Variants in SEC63 observed in about 807,000 individuals in gnomAD.
SEC63 encodes the protein translocation protein SEC63 homolog.
SEC63 carries 56 observed loss-of-function variants against 116.2 expected under a neutral mutation model. The observed-to-expected ratio is 0.48, with a 90% confidence interval of 0.39 to 0.60. The LOEUF is 0.60. Among genes scored for constraint, SEC63 ranks in the 20% least tolerant of loss-of-function variants. SEC63 has a pLI of 0.00. For missense variants in SEC63, 668 were observed against 900.0 expected, an observed-to-expected ratio of 0.74 and a Z score of 3.30; for synonymous variants, 273 against 294.6, an observed-to-expected ratio of 0.93 and a Z score of 0.75.
Position 107,906,527 on chromosome 6 carries a change from G to A in SEC63, c.882C>T (p.Thr294=), listed in dbSNP as rs746631731. 4 of 1,613,338 alleles carry A rather than the reference G, an allele frequency of 2.5e-6. No individual in the cohort carries two copies. In the South Asian group the frequency reaches 3.3e-5, roughly 13 times the overall value. Residue 294 remains threonine (T), a synonymous_variant, in exon 10 of 21, where the codon ACC becomes ACT. Coordinates refer to ENST00000369002, the MANE Select transcript of SEC63 (RefSeq NM_007214.5). ...INLKKNEPPL[T]CPYSLKARVL... is the part of the protein sequence containing the mutation. ...CTCTGGCCTTCAGGCTATATGGGCA[G>A]GTAAGTGGAGGCTCATTCTTCTTTA...
chr6:107,909,323 G>A (rs562885240), intron 7 of SEC63, among the ~76,000 whole-genome samples: 1 of 150,602 alleles, frequency 6.6e-6, no homozygotes, highest in South Asian at 2.1e-4. Context: ...GGCTGCAGTA[G>A]CCATGATCAT....
intron 19 of SEC63, among the ~76,000 whole-genome samples, chr6:107,874,972 A>G (rs1018851657): frequency 1.3e-5 from 2 of 152,340 alleles, no homozygotes; most frequent in Non-Finnish European, 2.9e-5. Context: ...ATCAATGTTA[A>G]ATTTCCTGAG....
At chr6:107,916,898 T>G (rs151029661) in intron 4 of SEC63, among the ~76,000 whole-genome samples, 2 of 152,198 alleles carry the variant, frequency 1.3e-5, no homozygotes, top group Admixed American at 6.5e-5. Flanking sequence ...AAGATTCAAA[T>G]TGGGCAAATT....
At chr6:107,891,689 C>T (rs1786686487) in intron 16 of SEC63, among the ~76,000 whole-genome samples, 1 of 152,158 alleles carries the variant, frequency 6.6e-6, no homozygotes, top group African/African-American at 2.4e-5. Context: ...TCCCCATCTG[C>T]GTGGATTTAT....
At chr6:107,923,667 G>C (rs944514897) in intron 3 of SEC63, among the ~76,000 whole-genome samples, 1 of 151,520 alleles carries the variant, frequency 6.6e-6, no homozygotes, top group Non-Finnish European at 1.5e-5. Flanking sequence ...TAGGACTATA[G>C]GTGTGTTGCT....
chr6:107,945,737 A>C (rs1486891410), intron 1 of SEC63, among the ~76,000 whole-genome samples: 1 of 152,170 alleles, frequency 6.6e-6, no homozygotes, highest in East Asian at 1.9e-4. Flanking sequence ...AAGTCTAAGC[A>C]ATTTATGAAT....
intron 2 of SEC63, among the ~76,000 whole-genome samples, chr6:107,927,350 G>A (rs547208648): frequency 9.2e-5 from 14 of 152,266 alleles, no homozygotes; most frequent in Admixed American, 7.8e-4. Context: ...ACAGGCATGA[G>A]CCACCACGCC....
intron 13 of SEC63, among the ~76,000 whole-genome samples, chr6:107,900,913 G>A (rs995885282): frequency 6.6e-6 from 1 of 152,054 alleles, no homozygotes; most frequent in African/African-American, 2.4e-5. Context: ...TATAGAGGTA[G>A]GGCAAGAAAA....
intron 1 of SEC63, among the ~76,000 whole-genome samples, chr6:107,955,269 C>A (rs1459460832): frequency 6.6e-6 from 1 of 152,188 alleles, no homozygotes; most frequent in African/African-American, 2.4e-5. Flanking sequence ...TCAAGCAATT[C>A]TCCCTGCCTC....
intron 1 of SEC63, among the ~76,000 whole-genome samples, chr6:107,931,252 G>C (rs1418443342): frequency 6.6e-6 from 1 of 151,688 alleles, no homozygotes; most frequent in Non-Finnish European, 1.5e-5. Flanking sequence ...TGAGGCAGGA[G>C]AATCAGTTGA....
At chr6:107,919,829 A>C (rs1787511535) in intron 4 of SEC63, among the ~76,000 whole-genome samples, 2 of 152,090 alleles carry the variant, frequency 1.3e-5, no homozygotes, top group African/African-American at 4.8e-5. Flanking sequence ...CTCAAAAAAA[A>C]AAAAGAAAAA....
intron 20 of SEC63, among the ~76,000 whole-genome samples, chr6:107,872,489 T>A (rs1786158145): frequency 6.7e-6 from 1 of 150,244 alleles, no homozygotes; most frequent in Non-Finnish European, 1.5e-5. Context: ...ACACTCCAAA[T>A]AGAATCTGTG....
intron 7 of SEC63, among the ~76,000 whole-genome samples, chr6:107,909,326 A>G (rs1787223837): frequency 6.6e-6 from 1 of 151,592 alleles, no homozygotes; most frequent in Admixed American, 6.6e-5. Context: ...TGCAGTAGCC[A>G]TGATCATACT....
chr6:107,940,840 G>A lies in SEC63; in HGVS notation c.125-11326C>T, dbSNP rs538408021. ...TGCAGTATCTTTGAGTACTTACCTGGGACGCGGGGAGGGAAGAAGGGAGAG... is the reference window on the plus strand; with the variant it reads ...TGCAGTATCTTTGAGTACTTACCTGAGACGCGGGGAGGGAAGAAGGGAGAG... On this transcript the variant is annotated intron_variant, in intron 1 of 20. Coordinates refer to ENST00000369002, the MANE Select transcript of SEC63 (RefSeq NM_007214.5). Among the ~76,000 whole-genome samples the A allele has an allele frequency of 1.3e-4, 20 of 150,798 alleles. No individual in the cohort carries two copies. The South Asian group carries it at 2.1e-3, about 16-fold the overall frequency.
At chr6:107,880,755 A>T (rs1432547629) in intron 18 of SEC63, among the ~76,000 whole-genome samples, 1 of 152,144 alleles carries the variant, frequency 6.6e-6, no homozygotes, top group Non-Finnish European at 1.5e-5. Context: ...AAAATTTAAG[A>T]ATTTTTTCAT....
At chr6:107,957,304 A>G (rs1005278229) in intron 1 of SEC63, 2 of 152,270 alleles carry the variant, frequency 1.3e-5, no homozygotes, top group African/African-American at 4.8e-5. Flanking sequence ...GAATAACGGC[A>G]TTGCTTCCAA....
At chr6:107,878,301 G>T (rs567991174) in intron 18 of SEC63, among the ~76,000 whole-genome samples, 2 of 152,302 alleles carry the variant, frequency 1.3e-5, no homozygotes, top group South Asian at 4.1e-4. Context: ...TGATCTGAGA[G>T]AATACAAATA....
intron 2 of SEC63, among the ~76,000 whole-genome samples, chr6:107,927,372 G>A (rs1787699341): frequency 6.6e-6 from 1 of 152,060 alleles, no homozygotes; most frequent in South Asian, 2.1e-4. Flanking sequence ...AGCCTGAAGG[G>A]TCATCTTTAG....
rs186314817 is a variant in SEC63, at chr6:107,874,411, A to G, written c.2035-1499T>C. ...AGATTGAGACCATCATGGCTAACAC[A>G]GTGAAACCCCGTCTCTACTAAAAAA... is the stretch of plus-strand genomic sequence containing the variant. On this transcript the variant is annotated intron_variant, in intron 19 of 20. Coordinates refer to ENST00000369002, the MANE Select transcript of SEC63 (RefSeq NM_007214.5). Among the ~76,000 whole-genome samples, 692 of 152,096 alleles carry G rather than the reference A, an allele frequency of 4.5e-3. 7 individuals are homozygous for G. The highest frequency in any genetic ancestry group is 0.015 in the African/African-American group (607 of 41,512).
Sources: allele counts gnomAD v4.1 joint callset (sites outside exome capture counted in the v4.1 genomes callset), GRCh38; gene constraint gnomAD v4.1.1; transcripts MANE v1.5; gene names NCBI Gene and HGNC (gene_info 2026-07-23, HGNC 2026-07-21).